HTR4: variants seen among roughly 807,000 people sequenced by gnomAD.
HTR4 encodes 5-hydroxytryptamine (serotonin) receptor 4, G protein-coupled.
A neutral mutation model predicts 36.8 loss-of-function variants in HTR4; 16 were observed. That is an observed-to-expected ratio of 0.43 (90% CI 0.29 to 0.66). HTR4 has a LOEUF of 0.66. HTR4 is among the 30% of genes least tolerant of loss of function. HTR4 has a pLI of 0.13. For missense variants in HTR4, 438 were observed against 490.9 expected, an observed-to-expected ratio of 0.89 and a Z score of 1.02; for synonymous variants, 189 against 185.1, an observed-to-expected ratio of 1.02 and a Z score of -0.17.
At chr5:148,517,252 T>G (rs1430480722) in intron 5 of HTR4, among the ~76,000 whole-genome samples, 1 of 152,184 alleles carries the variant, frequency 6.6e-6, no homozygotes, top group African/African-American at 2.4e-5. Context: ...TCCTTCCAAC[T>G]GTCCTTTACT....
intron 2 of HTR4, among the ~76,000 whole-genome samples, chr5:148,575,772 C>A (rs34138763): frequency 1.3e-5 from 2 of 151,756 alleles, no homozygotes; most frequent in African/African-American, 4.8e-5. Flanking sequence ...TGATACATTT[C>A]GCACATATAA....
chr5:148,612,076 A>G (rs1039358605), intron 2 of HTR4, among the ~76,000 whole-genome samples: 3 of 152,202 alleles, frequency 2.0e-5, no homozygotes, highest in African/African-American at 4.8e-5. Context: ...CGCATTAATA[A>G]TGGGAGAATT....
intron 2 of HTR4, among the ~76,000 whole-genome samples, chr5:148,592,580 C>A (rs1404493922): frequency 1.3e-5 from 2 of 152,072 alleles, no homozygotes; most frequent in Non-Finnish European, 2.9e-5. Flanking sequence ...TGATATCATG[C>A]AGCTTCACCA....
chr5:148,653,157 T>C (rs1157155204), intron 1 of HTR4, among the ~76,000 whole-genome samples: 1 of 152,208 alleles, frequency 6.6e-6, no homozygotes, highest in Non-Finnish European at 1.5e-5. Context: ...ATCCCAGCGA[T>C]GGAAGACAGG....
chr5:148,617,726 C>G (rs1021614562), intron 2 of HTR4, among the ~76,000 whole-genome samples: 2 of 152,140 alleles, frequency 1.3e-5, no homozygotes, highest in Non-Finnish European at 2.9e-5. Flanking sequence ...CTCGGCCTCT[C>G]AAAGTGCTGG....
chr5:148,483,343 A>C, intron 6 of HTR4, 50 bp from the exon 7 acceptor site: 1 of 1,535,746 alleles, frequency 6.5e-7, no homozygotes, highest in South Asian at 1.2e-5. Flanking sequence ...AGGATGTTGC[A>C]GATCATCTCC....
chr5:148,499,088 T>C (rs1000378049), intron 6 of HTR4, among the ~76,000 whole-genome samples: 1 of 152,176 alleles, frequency 6.6e-6, no homozygotes, highest in East Asian at 1.9e-4. Flanking sequence ...TCAGAAACAG[T>C]TGGGTCTGAA....
chr5:148,602,568 CATAA>C (rs1305919949), intron 2 of HTR4, among the ~76,000 whole-genome samples: 4 of 151,824 alleles, frequency 2.6e-5, no homozygotes, highest in African/African-American at 9.7e-5. Flanking sequence ...GCTTAAATTA[CATAA>C]ATAATCAACT....
rs78731131 is a variant in HTR4 at position 148,531,266 on chromosome 5, C to T, written c.354-7920G>A. On this transcript the variant is annotated intron_variant, in intron 4 of 6. Coordinates refer to ENST00000377888, the MANE Select transcript of HTR4 (RefSeq NM_000870.7). ...GTGTCCCCACCCAAACCTCGTATTG[C>T]GGCTCCCACAGTTCCCATGTGTTGT... is the stretch of plus-strand genomic sequence containing the variant. Among the ~76,000 whole-genome samples, 196 of 152,190 alleles carry T rather than the reference C, an allele frequency of 1.3e-3. 1 individual carries two copies. The highest frequency in any genetic ancestry group is 4.5e-3 in the African/African-American group (186 of 41,532).
chr5:148,557,424 A>C (rs2113860852), intron 2 of HTR4, among the ~76,000 whole-genome samples: 1 of 152,330 alleles, frequency 6.6e-6, no homozygotes, highest in African/African-American at 2.4e-5. Flanking sequence ...GGTGAAACAC[A>C]TTAAGTGTGA....
At chr5:148,615,708 G>GAAAGAAAATAAAATA (rs540458890) in intron 2 of HTR4, among the ~76,000 whole-genome samples, 1 of 145,424 alleles carries the variant, frequency 6.9e-6, no homozygotes, top group African/African-American at 2.6e-5. Context: ...AAGAAAGAAA[G>GAAAGAAAATAAAATA]AAATAAAATA....
At chr5:148,603,298 C>T (rs892513622) in intron 2 of HTR4, among the ~76,000 whole-genome samples, 3 of 151,836 alleles carry the variant, frequency 2.0e-5, no homozygotes, top group Non-Finnish European at 2.9e-5. Flanking sequence ...CATACCACCA[C>T]CTCAAAAAAA....
At chr5:148,597,693 T>A (rs961904481) in intron 2 of HTR4, among the ~76,000 whole-genome samples, 1 of 152,236 alleles carries the variant, frequency 6.6e-6, no homozygotes, top group African/African-American at 2.4e-5. Context: ...GTCACTTTCC[T>A]ACATAGCCTT....
intron 2 of HTR4, among the ~76,000 whole-genome samples, chr5:148,603,106 A>G (rs1762053301): frequency 6.6e-6 from 1 of 152,102 alleles, no homozygotes; most frequent in African/African-American, 2.4e-5. Context: ...AAAGGGCATT[A>G]CAAGAAGGAT....
At position 148,520,607 on chromosome 5, in the gene HTR4, T is replaced by C. The variant is rs865975608; in HGVS notation, c.507+2586A>G. 1.3e-4 allele frequency among the ~76,000 whole-genome samples: 20 copies of C among 152,314 alleles called. No individual in the cohort carries two copies. The South Asian group carries it at 3.3e-3, about 25-fold the overall frequency. On this transcript the variant is annotated intron_variant, in intron 5 of 6. Coordinates refer to ENST00000377888, the MANE Select transcript of HTR4 (RefSeq NM_000870.7). The stretch of plus-strand genomic sequence containing the variant: ...ATCTCCCTGATCCTCTGTTCGCTGA[T>C]CTATAAAATGAGGATAATGATAGGA...
chr5:148,458,348 C>T (rs1394070496), intron 5 of HTR4, among the ~76,000 whole-genome samples: 1 of 151,700 alleles, frequency 6.6e-6, no homozygotes, highest in African/African-American at 2.4e-5. Context: ...CACTTATTTA[C>T]TAAAATTTTT....
chr5:148,554,286 G>A (rs1490377829), intron 2 of HTR4, among the ~76,000 whole-genome samples: 1 of 152,102 alleles, frequency 6.6e-6, no homozygotes, highest in Non-Finnish European at 1.5e-5. Context: ...TGTTGGTCAG[G>A]CTGGTCTCGA....
intron 5 of HTR4, among the ~76,000 whole-genome samples, chr5:148,515,472 T>C (rs998768615): frequency 2.0e-5 from 3 of 152,206 alleles, no homozygotes; most frequent in Middle Eastern, 3.2e-3. Flanking sequence ...GATTATTTTC[T>C]TTTTGACTGA....
chr5:148,506,393 A>G (rs1460564445), intron 6 of HTR4, among the ~76,000 whole-genome samples: 1 of 152,222 alleles, frequency 6.6e-6, no homozygotes, highest in African/African-American at 2.4e-5. Flanking sequence ...TAAAGACTTA[A>G]ATGTCAGACC....
Sources: gnomAD v4.1 joint callset for allele counts (sites outside exome capture counted in the v4.1 genomes callset) on GRCh38, gnomAD v4.1.1 for gene constraint, MANE v1.5 for transcripts, NCBI Gene and HGNC (gene_info 2026-07-23, HGNC 2026-07-21) for gene names.